STK3: variants seen among roughly 807,000 people sequenced by gnomAD.
STK3 encodes serine/threonine kinase 3, also known as serine/threonine-protein kinase 3.
Under a neutral mutation model 58.0 loss-of-function variants are expected in STK3, and 41 were observed. That is an observed-to-expected ratio of 0.71 (90% CI 0.55 to 0.92). The LOEUF (loss-of-function observed/expected upper bound fraction) is 0.92, where lower values mean the gene tolerates loss of function less well. Among genes scored for constraint, STK3 ranks in the 40% least tolerant of loss-of-function variants. The pLI is 0.00. For synonymous variants in STK3, 170 were observed against 191.0 expected (o/e 0.89, Z 0.91); for missense variants, 479 against 602.7 (o/e 0.79, Z 2.15).
rs547009720 is a variant in STK3 at position 98,661,916 on chromosome 8, C to T, written c.684+44551G>A. ...AACTCCCAATAATGCTGAGTTATAT[C>T]ATCTCATAGATTCTAGTCACAATTA... On this transcript the variant is annotated intron_variant, in intron 6 of 10. Transcript: ENST00000419617. 2.6e-5 allele frequency among the ~76,000 whole-genome samples: 4 copies of T among 152,158 alleles called. No individual in the cohort carries two copies. The East Asian group carries it at 7.7e-4, about 29-fold the overall frequency.
chr8:98,362,186 A>C, the STK3 span, among the ~76,000 whole-genome samples: 113 of 152,168 alleles, frequency 7.4e-4, no homozygotes, highest in Non-Finnish European at 6.5e-4. Flanking sequence ...TTTAATAGTC[A>C]AGAGATCCCT....
chr8:98,766,537 C>T (rs1018256811), intron 3 of STK3, among the ~76,000 whole-genome samples: 10 of 152,156 alleles, frequency 6.6e-5, no homozygotes, highest in African/African-American at 2.2e-4. Flanking sequence ...CCCGCCTCAG[C>T]TTCCCAAGTA....
chr8:98,828,437 CAAAAAAAAAAAAAAA>C (rs367737626), upstream of STK3, among the ~76,000 whole-genome samples: 10 of 48,578 alleles, frequency 2.1e-4, no homozygotes, highest in African/African-American at 7.2e-4. Flanking sequence ...CCCATCTCTA[CAAAAAAAAAAAAAAA>C]AAAAAAAAAA....
At chr8:98,693,655 C>T (rs1824593497) in intron 6 of STK3, among the ~76,000 whole-genome samples, 1 of 152,202 alleles carries the variant, frequency 6.6e-6, no homozygotes. Flanking sequence ...TGTGTTAAAT[C>T]CTTGCAAGGA....
chr8:98,648,749 G>A (rs550401331), intron 6 of STK3, among the ~76,000 whole-genome samples: 5 of 152,184 alleles, frequency 3.3e-5, no homozygotes, highest in East Asian at 3.9e-4. Context: ...AAAATAAGCC[G>A]GCTGTGGTGG....
chr8:98,854,917 C>T (rs539656437), intron 3 of STK3, among the ~76,000 whole-genome samples: 29 of 152,158 alleles, frequency 1.9e-4, no homozygotes, highest in Middle Eastern at 3.4e-3. Context: ...ATTAGCCAGG[C>T]GTGGTGGTGT....
chr8:98,809,363 A>G (rs1268641873), intron 1 of STK3, among the ~76,000 whole-genome samples: 5 of 152,234 alleles, frequency 3.3e-5, no homozygotes, highest in East Asian at 3.8e-4. Context: ...GATAGTATCA[A>G]AATTGAATTA....
chr8:98,866,260 A>C (rs948075348), intron 3 of STK3, among the ~76,000 whole-genome samples: 2 of 152,234 alleles, frequency 1.3e-5, no homozygotes, highest in African/African-American at 4.8e-5. Flanking sequence ...CATCATCAAC[A>C]ATAAACATTC....
chr8:98,644,939 G>GT (rs1267759159), intron 6 of STK3, among the ~76,000 whole-genome samples: 4 of 152,270 alleles, frequency 2.6e-5, no homozygotes, highest in Admixed American at 2.6e-4. Context: ...CTGTTTACAT[G>GT]TGTCTCTTTC....
At chr8:98,445,214 T>C (rs1818886735) in intron 1 of STK3, among the ~76,000 whole-genome samples, 1 of 152,206 alleles carries the variant, frequency 6.6e-6, no homozygotes, top group Non-Finnish European at 1.5e-5. Flanking sequence ...CATTATTTTA[T>C]TCCTTTTTAT....
intron 6 of STK3, among the ~76,000 whole-genome samples, chr8:98,616,582 A>G (rs1267937975): frequency 7.0e-6 from 1 of 142,556 alleles, no homozygotes; most frequent in East Asian, 2.1e-4. Flanking sequence ...ACGTGCAGAG[A>G]CACACATAGG....
chr8:98,740,052 C>G (rs1160799200), intron 4 of STK3, among the ~76,000 whole-genome samples: 1 of 151,972 alleles, frequency 6.6e-6, no homozygotes, highest in Non-Finnish European at 1.5e-5. Context: ...AGAAAAAGAA[C>G]AAAAAGAAAT....
chr8:98,854,682 A>G (rs1015330239), intron 3 of STK3, among the ~76,000 whole-genome samples: 2 of 152,226 alleles, frequency 1.3e-5, no homozygotes, highest in Non-Finnish European at 2.9e-5. Context: ...ACGTTCTGTA[A>G]AGAAATTAAA....
chr8:98,915,206 G>A (rs1303704984), intron 1 of STK3, among the ~76,000 whole-genome samples: 1 of 151,890 alleles, frequency 6.6e-6, no homozygotes, highest in Non-Finnish European at 1.5e-5. Flanking sequence ...CTTAATCTGG[G>A]TGGACACAAT....
Position 98,855,932 on chromosome 8 carries a change from G to A in STK3, c.110+27715C>T, listed in dbSNP as rs555554292. ...AGCACTTTGGGAGGCCGAGGTGGGT[G>A]GATCACCTGAGGTCAGGAGTTCGAG... On this transcript the variant is annotated intron_variant, in intron 3 of 12. Transcript: ENST00000523601. Among the ~76,000 whole-genome samples the A allele has an allele frequency of 8.0e-4, 122 of 152,142 alleles. 2 individuals are homozygous for A. In the South Asian group the frequency reaches 0.012, roughly 15 times the overall value.
chr8:98,927,141 G>C (rs1404657270), intron 1 of STK3, among the ~76,000 whole-genome samples: 1 of 152,202 alleles, frequency 6.6e-6, no homozygotes, highest in African/African-American at 2.4e-5. Flanking sequence ...TTCCACTTTA[G>C]GGCTACATTA....
At chr8:98,831,438 T>C (rs1835531409) in intron 3 of STK3, among the ~76,000 whole-genome samples, 2 of 152,258 alleles carry the variant, frequency 1.3e-5, no homozygotes, top group African/African-American at 4.8e-5. Flanking sequence ...TTGAGTTTTG[T>C]AGAAACAGAG....
chr8:98,767,518 T>G (rs754453768), intron 2 of STK3, 147 bp from the exon 3 acceptor site: 27 of 775,602 alleles, frequency 3.5e-5, no homozygotes, highest in Non-Finnish European at 5.1e-5. Context: ...AGTAACAATT[T>G]TAAAAGGTAA....
intron 10 of STK3, among the ~76,000 whole-genome samples, chr8:98,500,054 A>C (rs1223888663): frequency 6.6e-6 from 1 of 152,134 alleles, no homozygotes; most frequent in African/African-American, 2.4e-5. Context: ...TGATTAACTT[A>C]AGCATCTTGA....
Sources: gnomAD v4.1 joint callset for allele counts (sites outside exome capture counted in the v4.1 genomes callset) on GRCh38, gnomAD v4.1.1 for gene constraint, MANE v1.5 for transcripts, NCBI Gene and HGNC (gene_info 2026-07-23, HGNC 2026-07-21) for gene names.